Variants in EEA1 observed in about 807,000 individuals in gnomAD.
The protein encoded by EEA1 is early endosome antigen 1, 162kD.
EEA1 carries 111 observed loss-of-function variants against 209.2 expected under a neutral mutation model. That is an observed-to-expected ratio of 0.53 (90% CI 0.45 to 0.62). The LOEUF (loss-of-function observed/expected upper bound fraction) is 0.62, where lower values mean the gene tolerates loss of function less well. EEA1 is among the 20% of genes least tolerant of loss of function. The probability of loss-of-function intolerance (pLI) is 0.00; values close to 1 mark genes in which losing one functional copy is unlikely to be tolerated. For missense variants in EEA1, 1,343 were observed against 1,530.8 expected (o/e 0.88, Z 2.05); for synonymous variants, 536 against 540.6 (o/e 0.99, Z 0.12).
Position 92,782,000 on chromosome 12 carries a change from G to C in EEA1, c.3286C>G (p.Gln1096Glu), listed in dbSNP as rs773377451. Residue 1096 changes from glutamine (Q) to glutamate (E), a missense_variant, in exon 23 of 29, where the codon CAG (glutamine) becomes GAG (glutamate). Physicochemically the swap from Gln to Glu is conservative, Grantham distance 29. Coordinates refer to ENST00000322349, the MANE Select transcript of EEA1 (RefSeq NM_003566.4). ...GCTTTACATCGCTCCTGCAATTGCT[G>C]TTCTTTCTTTGCTGAATCCTGCTCC... ...TLEQDSAKKE[Q>E]QLQERCKALQ... The C allele has an allele frequency of 1.2e-6, 2 of 1,613,402 alleles. No homozygotes were observed. Among genetic ancestry groups the C allele is most frequent in the South Asian group, 1.1e-5 (1 of 91,026 alleles).
intron 1 of EEA1, among the ~76,000 whole-genome samples, chr12:92,910,198 G>A (rs2926793): frequency 0.62 from 93,142 of 150,436 alleles, 29,432 homozygotes; most frequent in East Asian, 0.94. Context: ...AAGGTCAGGC[G>A]CGGTGGCTCA....
At chr12:92,817,742 T>C (rs1875861975) in intron 14 of EEA1, among the ~76,000 whole-genome samples, 1 of 152,212 alleles carries the variant, frequency 6.6e-6, no homozygotes, top group Non-Finnish European at 1.5e-5. Context: ...TCGATTTTGT[T>C]GTCTTCTTTC....
At position 92,773,885 on chromosome 12, in the gene EEA1, G is replaced by A. The variant is rs1342443539; in HGVS notation, c.*2126C>T. 2 of 151,406 alleles carry A rather than the reference G, an allele frequency of 1.3e-5. No individual in the cohort carries two copies. The highest frequency in any genetic ancestry group is 3.0e-5 in the Non-Finnish European group (2 of 67,572). 9.4% of individuals were successfully genotyped at this position (151,406 alleles called of 1,614,324 possible). ...TTATGAAATGAAATTAGATAAAAAT[G>A]AGAAAATCATTCAAACACCTATATA... On this transcript the variant is annotated 3_prime_UTR_variant, in exon 29 of 29. Transcript: ENST00000322349.
At chr12:92,783,386 A>G (rs1873991746) in intron 22 of EEA1, among the ~76,000 whole-genome samples, 2 of 152,292 alleles carry the variant, frequency 1.3e-5, no homozygotes, top group African/African-American at 4.8e-5. Context: ...AGAGTAGGGG[A>G]AAAACACAAT....
intron 2 of EEA1, among the ~76,000 whole-genome samples, chr12:92,865,764 G>A (rs983801624): frequency 7.2e-5 from 10 of 138,730 alleles, no homozygotes; most frequent in Non-Finnish European, 1.4e-4. Flanking sequence ...ATTTTATTTT[G>A]AGAATGAGTC....
intron 15 of EEA1, among the ~76,000 whole-genome samples, 188 bp from the exon 16 acceptor site, chr12:92,813,281 C>T (rs991108380): frequency 2.0e-5 from 3 of 152,044 alleles, no homozygotes; most frequent in African/African-American, 7.3e-5. Flanking sequence ...GGAGAAGACT[C>T]CTAATAATGC....
intron 11 of EEA1, among the ~76,000 whole-genome samples, chr12:92,831,934 A>C (rs896973636): frequency 6.7e-6 from 1 of 148,402 alleles, no homozygotes. Context: ...AAATACAAAA[A>C]AAATTAGCCG....
In EEA1 at chr12:92,801,689, T is replaced by C. The variant is rs780051785; in HGVS notation, c.2683A>G (p.Lys895Glu). The C allele has an allele frequency of 6.3e-7, 1 of 1,586,152 alleles. No individual in the cohort carries two copies. The highest frequency in any genetic ancestry group is 8.5e-7 in the Non-Finnish European group (1 of 1,170,206). ...AAILDLEKTCKELKHQLQVQM... is the reference protein window; with the variant it reads ...AAILDLEKTCEELKHQLQVQM... ...ACTTGAAGTTGATGCTTTAATTCTT[T>C]GCAAGTTTTTTCCTTAAAAAAAATG... Residue 895 changes from lysine (K) to glutamate (E), a missense_variant, in exon 20 of 29, where the codon AAA (lysine) becomes GAA (glutamate). Physicochemically the swap from Lys to Glu is moderately conservative, Grantham distance 56. Around this residue, in one of 3 missense-constraint regions of EEA1, gnomAD observed 1,307 missense variants for 1,465.5 expected, o/e 0.89. Transcript: ENST00000322349.
At chr12:92,827,874 G>T in intron 12 of EEA1, 38 bp downstream of exon 12, 1 of 1,470,414 alleles carries the variant, frequency 6.8e-7, no homozygotes, top group Non-Finnish European at 9.0e-7. Flanking sequence ...TGTTAAAGAT[G>T]CCTCAAGCCT....
chr12:92,850,303 A>G (rs1877555903), intron 9 of EEA1, among the ~76,000 whole-genome samples: 1 of 152,222 alleles, frequency 6.6e-6, no homozygotes, highest in South Asian at 2.1e-4. Flanking sequence ...ATTGTGGATC[A>G]CTTAGCAGGG....
chr12:92,779,099 C>T lies in EEA1; in HGVS notation c.3654+16G>A, dbSNP rs768372123. The stretch of plus-strand genomic sequence containing the variant: ...GCTCTACTGCAAAACACACTTCCCC[C>T]GATTAACTCACTGACCAACTTAGCT... On this transcript the variant is annotated intron_variant, in intron 25 of 28. Coordinates refer to ENST00000322349, the MANE Select transcript of EEA1 (RefSeq NM_003566.4). 3.0e-5 allele frequency: 48 copies of T among 1,587,892 alleles called. No individual in the cohort carries two copies. The East Asian group carries it at 3.6e-4, about 12-fold the overall frequency.
At chr12:92,792,901 G>A (rs973957021) in intron 21 of EEA1, among the ~76,000 whole-genome samples, 2 of 152,112 alleles carry the variant, frequency 1.3e-5, no homozygotes, top group Admixed American at 6.5e-5. Flanking sequence ...CTGGCAAACC[G>A]AATCCAGCAG....
At chr12:92,889,726 C>A (rs1879582654) in intron 2 of EEA1, among the ~76,000 whole-genome samples, 1 of 152,054 alleles carries the variant, frequency 6.6e-6, no homozygotes, top group South Asian at 2.1e-4. Context: ...TGGCAAAACC[C>A]CGTCTCTACT....
chr12:92,925,785 C>T (rs1881186346), intron 1 of EEA1, among the ~76,000 whole-genome samples: 1 of 152,100 alleles, frequency 6.6e-6, no homozygotes, highest in Admixed American at 6.6e-5. Flanking sequence ...GGAGGAGGGA[C>T]AAAAGCAGGA....
intron 6 of EEA1, among the ~76,000 whole-genome samples, chr12:92,853,631 T>C (rs982734442): frequency 1.1e-4 from 16 of 152,180 alleles, no homozygotes; most frequent in Non-Finnish European, 1.0e-4. Flanking sequence ...ACTCTTAATA[T>C]AGACTTAAAA....
At chr12:92,857,387 C>G (rs1877927406) in intron 4 of EEA1, 44 bp downstream of exon 4, 3 of 1,568,994 alleles carry the variant, frequency 1.9e-6, no homozygotes, top group African/African-American at 2.8e-5. Flanking sequence ...GAGGTATTAT[C>G]TGAAACACTG....
chr12:92,913,772 T>C (rs1487169878), intron 1 of EEA1, among the ~76,000 whole-genome samples: 2 of 152,206 alleles, frequency 1.3e-5, no homozygotes, highest in Non-Finnish European at 1.5e-5. Context: ...GCAATTCTCC[T>C]GCCTCAGCCT....
chr12:92,802,054 A>C (rs1874941092), intron 19 of EEA1, among the ~76,000 whole-genome samples: 1 of 152,074 alleles, frequency 6.6e-6, no homozygotes, highest in South Asian at 2.1e-4. Flanking sequence ...AATGGAAGCA[A>C]GAAAACTTAG....
intron 2 of EEA1, among the ~76,000 whole-genome samples, chr12:92,875,203 G>C (rs542118195): frequency 1.3e-5 from 2 of 152,218 alleles, no homozygotes; most frequent in African/African-American, 4.8e-5. Flanking sequence ...TATAATCCTA[G>C]CACTTTGAGA....
Sources: allele counts gnomAD v4.1 joint callset (sites outside exome capture counted in the v4.1 genomes callset), GRCh38; gene constraint gnomAD v4.1.1; regional missense constraint gnomAD v4.1.1; transcripts MANE v1.5; gene names NCBI Gene and HGNC (gene_info 2026-07-23, HGNC 2026-07-21).